Variants in KCNIP1 observed in about 807,000 individuals in gnomAD.
The protein encoded by KCNIP1 is A-type potassium channel modulatory protein KCNIP1.
A neutral mutation model predicts 33.0 loss-of-function variants in KCNIP1; 18 were observed. That is an observed-to-expected ratio of 0.55 (90% CI 0.38 to 0.81). The LOEUF (loss-of-function observed/expected upper bound fraction) is 0.81. KCNIP1 is among the 30% of genes least tolerant of loss of function. The pLI is 0.00. For synonymous variants in KCNIP1, 93 were observed against 98.3 expected (o/e 0.95, Z 0.32); for missense variants, 238 against 271.6 (o/e 0.88, Z 0.87).
At chr5:170,662,892 T>C (rs1761554357) in intron 1 of KCNIP1, among the ~76,000 whole-genome samples, 1 of 152,242 alleles carries the variant, frequency 6.6e-6, no homozygotes, top group Non-Finnish European at 1.5e-5. Context: ...TGCTTAAGCA[T>C]TTCAAGGACT....
chr5:170,491,986 T>C (rs758678631), intron 1 of KCNIP1, among the ~76,000 whole-genome samples: 1 of 152,240 alleles, frequency 6.6e-6, no homozygotes, highest in Non-Finnish European at 1.5e-5. Context: ...ATAATAATGT[T>C]GAGTAGTTCT....
intron 1 of KCNIP1, among the ~76,000 whole-genome samples, chr5:170,575,010 A>T (rs1368733791): frequency 6.6e-6 from 1 of 152,186 alleles, no homozygotes; most frequent in East Asian, 1.9e-4. Context: ...AGTTCCAGGA[A>T]AAAAGAGCCC....
chr5:170,434,624 C>T (rs1447160849), intron 1 of KCNIP1, among the ~76,000 whole-genome samples: 2 of 152,016 alleles, frequency 1.3e-5, no homozygotes, highest in Non-Finnish European at 2.9e-5. Flanking sequence ...GGGGACGGGT[C>T]GGTGGGTGGG....
intron 1 of KCNIP1, among the ~76,000 whole-genome samples, chr5:170,450,911 C>T (rs1561632104): frequency 6.6e-6 from 1 of 152,118 alleles, no homozygotes; most frequent in Non-Finnish European, 1.5e-5. Context: ...GTTCAGTGCT[C>T]CAGTCCCATC....
At chr5:170,468,991 T>C (rs1756666773) in intron 1 of KCNIP1, among the ~76,000 whole-genome samples, 1 of 152,194 alleles carries the variant, frequency 6.6e-6, no homozygotes, top group African/African-American at 2.4e-5. Flanking sequence ...AAGTTCCTTG[T>C]GTTTCTGCCC....
At chr5:170,638,025 G>C (rs1378453609) in intron 1 of KCNIP1, among the ~76,000 whole-genome samples, 1 of 137,728 alleles carries the variant, frequency 7.3e-6, no homozygotes, top group Non-Finnish European at 1.6e-5. Context: ...CCAAAAAGGG[G>C]TGTGTCTGGG....
intron 1 of KCNIP1, among the ~76,000 whole-genome samples, chr5:170,428,239 T>C (rs767752906): frequency 1.6e-4 from 24 of 152,114 alleles, no homozygotes; most frequent in Non-Finnish European, 3.2e-4. Context: ...TGGAAGGACT[T>C]GTGGGGATGT....
chr5:170,584,781 C>T (rs1393024599), intron 1 of KCNIP1, among the ~76,000 whole-genome samples: 1 of 152,162 alleles, frequency 6.6e-6, no homozygotes, highest in Non-Finnish European at 1.5e-5. Context: ...CAGCTCCAAT[C>T]AGTGGCAATA....
rs546137983 is a variant in KCNIP1 at position 170,493,630 on chromosome 5, T to A, written c.88+139666T>A. Among the ~76,000 whole-genome samples the A allele has an allele frequency of 3.4e-4, 52 of 152,320 alleles. No homozygotes were observed. In the Middle Eastern group the frequency reaches 0.01, roughly 30 times the overall value. On this transcript the variant is annotated intron_variant, in intron 1 of 7. Coordinates refer to the KCNIP1 transcript ENST00000377360. ...CCAGGGCACCCTTATGAGAGTGAAG[T>A]AGACCGTGACTCCTCTGCAGTTGGT...
At chr5:170,418,773 C>T (rs1442942166) in intron 1 of KCNIP1, among the ~76,000 whole-genome samples, 1 of 152,214 alleles carries the variant, frequency 6.6e-6, no homozygotes, top group African/African-American at 2.4e-5. Flanking sequence ...ACTGGGTTCT[C>T]TGCTGGATCA....
intron 1 of KCNIP1, among the ~76,000 whole-genome samples, chr5:170,447,451 A>G (rs1001259746): frequency 1.3e-5 from 2 of 152,100 alleles, no homozygotes; most frequent in African/African-American, 4.8e-5. Context: ...GACTCAGTCA[A>G]TCAAACCCTT....
intron 1 of KCNIP1, among the ~76,000 whole-genome samples, chr5:170,646,584 A>C (rs377069612): frequency 5.6e-4 from 85 of 152,274 alleles, no homozygotes; most frequent in African/African-American, 2.0e-3. Context: ...AATAGAGGGG[A>C]ATTTTCTCAC....
intron 1 of KCNIP1, among the ~76,000 whole-genome samples, chr5:170,552,630 C>T (rs528296835): frequency 6.6e-6 from 1 of 152,106 alleles, no homozygotes; most frequent in Non-Finnish European, 1.5e-5. Flanking sequence ...GTGGTTGGAC[C>T]ACAGGAAATG....
At chr5:170,580,040 T>G (rs1757735609) in intron 1 of KCNIP1, among the ~76,000 whole-genome samples, 1 of 152,070 alleles carries the variant, frequency 6.6e-6, no homozygotes, top group Non-Finnish European at 1.5e-5. Context: ...GGCTAGGGTG[T>G]AGCCTTCTCT....
chr5:170,371,672 A>C (rs959177655), intron 1 of KCNIP1, among the ~76,000 whole-genome samples: 4 of 152,230 alleles, frequency 2.6e-5, no homozygotes, highest in African/African-American at 4.8e-5. Flanking sequence ...TGTGCCTGGA[A>C]AGATCCTGGC....
intron 1 of KCNIP1, among the ~76,000 whole-genome samples, chr5:170,461,916 G>A (rs542035212): frequency 6.6e-6 from 1 of 152,278 alleles, no homozygotes; most frequent in African/African-American, 2.4e-5. Flanking sequence ...GCCACATGTA[G>A]GAGAATGAAA....
At chr5:170,471,288 C>G (rs1161223283) in intron 1 of KCNIP1, among the ~76,000 whole-genome samples, 3 of 152,236 alleles carry the variant, frequency 2.0e-5, no homozygotes, top group Non-Finnish European at 4.4e-5. Flanking sequence ...CAAAAGCAAT[C>G]AATGCTTATT....
At chr5:170,386,362 C>T (rs1045390998) in intron 1 of KCNIP1, among the ~76,000 whole-genome samples, 1 of 152,184 alleles carries the variant, frequency 6.6e-6, no homozygotes, top group African/African-American at 2.4e-5. Context: ...GGCTCATCCC[C>T]CACGGCCACT....
intron 1 of KCNIP1, among the ~76,000 whole-genome samples, chr5:170,702,178 C>T (rs1763121353): frequency 6.6e-6 from 1 of 152,202 alleles, no homozygotes; most frequent in African/African-American, 2.4e-5. Context: ...ACTGCTTTAT[C>T]CCCAGTGCCT....
Sources: allele counts gnomAD v4.1 joint callset (sites outside exome capture counted in the v4.1 genomes callset), GRCh38; gene constraint gnomAD v4.1.1; transcripts MANE v1.5; gene names NCBI Gene and HGNC (gene_info 2026-07-23, HGNC 2026-07-21).